KIF6: variants seen among roughly 807,000 people sequenced by gnomAD.
KIF6 encodes kinesin-like protein KIF6.
In KIF6, 106 loss-of-function variants were observed where a neutral mutation model predicts 112.7. The ratio of observed to expected loss-of-function variants is 0.94; its 90% CI spans 0.80 to 1.11. The LOEUF is 1.11. KIF6 is among the 50% of genes least tolerant of loss of function. The probability of loss-of-function intolerance (pLI) is 0.00; values close to 1 mark genes in which losing one functional copy is unlikely to be tolerated. For missense variants in KIF6, 929 were observed against 964.0 expected, an observed-to-expected ratio of 0.96 and a Z score of 0.48; for synonymous variants, 339 against 339.9, an observed-to-expected ratio of 1.00 and a Z score of 0.03.
chr6:39,395,480 G>C (rs1265104942), intron 15 of KIF6, among the ~76,000 whole-genome samples: 1 of 152,236 alleles, frequency 6.6e-6, no homozygotes, highest in Non-Finnish European at 1.5e-5. Flanking sequence ...TGTTACTTTA[G>C]ATGCTTGAAA....
At chr6:39,622,179 A>AG (rs1390416925) in intron 5 of KIF6, among the ~76,000 whole-genome samples, 2 of 151,908 alleles carry the variant, frequency 1.3e-5, no homozygotes, top group African/African-American at 4.8e-5. Context: ...AAAAAAAAAA[A>AG]AGAAACAAAG....
chr6:39,608,016 G>T (rs993809249), intron 6 of KIF6, among the ~76,000 whole-genome samples: 1 of 152,056 alleles, frequency 6.6e-6, no homozygotes, highest in Admixed American at 6.5e-5. Flanking sequence ...CTTCCTTCCT[G>T]CCCTATCCTT....
At chr6:39,724,464 A>G (rs1006111903) in intron 1 of KIF6, among the ~76,000 whole-genome samples, 1 of 148,928 alleles carries the variant, frequency 6.7e-6, no homozygotes, top group Non-Finnish European at 1.5e-5. Context: ...AAAAAAAAAA[A>G]AAAAAAAAAA....
intron 3 of KIF6, among the ~76,000 whole-genome samples, chr6:39,675,368 T>C (rs1787068358): frequency 6.6e-6 from 1 of 152,222 alleles, no homozygotes. Flanking sequence ...TTTGTAAACA[T>C]TGACTCTATC....
intron 13 of KIF6, among the ~76,000 whole-genome samples, chr6:39,486,012 C>G (rs1775088693): frequency 6.6e-6 from 1 of 152,174 alleles, no homozygotes; most frequent in South Asian, 2.1e-4. Flanking sequence ...CGAATTCAGA[C>G]AGTCAGCCTC....
At chr6:39,486,130 C>G (rs1333458723) in intron 13 of KIF6, among the ~76,000 whole-genome samples, 2 of 152,244 alleles carry the variant, frequency 1.3e-5, no homozygotes, top group African/African-American at 2.4e-5. Flanking sequence ...TCCCCTACCT[C>G]TGAATCCAAG....
At chr6:39,474,118 T>C (rs534895753) in intron 13 of KIF6, among the ~76,000 whole-genome samples, 1 of 152,290 alleles carries the variant, frequency 6.6e-6, no homozygotes, top group South Asian at 2.1e-4. Flanking sequence ...GGGGAGAGGA[T>C]CTCTGACAGG....
intron 3 of KIF6, among the ~76,000 whole-genome samples, chr6:39,644,989 T>A (rs1036857963): frequency 3.3e-5 from 5 of 152,082 alleles, no homozygotes; most frequent in Non-Finnish European, 7.4e-5. Flanking sequence ...CAATGAAGAG[T>A]GAGATAAACA....
At chr6:39,667,248 C>T (rs981600221) in intron 3 of KIF6, among the ~76,000 whole-genome samples, 1 of 150,818 alleles carries the variant, frequency 6.6e-6, no homozygotes, top group Non-Finnish European at 1.5e-5. Context: ...CCTGGGATGC[C>T]CATAGCTGGC....
chr6:39,655,221 C>T (rs1019149706), intron 3 of KIF6, among the ~76,000 whole-genome samples: 11 of 152,098 alleles, frequency 7.2e-5, no homozygotes, highest in South Asian at 4.1e-4. Context: ...TTTATATTCA[C>T]GTTAAGCATA....
intron 13 of KIF6, among the ~76,000 whole-genome samples, chr6:39,535,567 T>C (rs1489518568): frequency 6.6e-6 from 1 of 152,134 alleles, no homozygotes; most frequent in African/African-American, 2.4e-5. Context: ...ATAAAGCAAG[T>C]CCTGAGTGAC....
chr6:39,700,817 A>G (rs2113835348), intron 3 of KIF6, among the ~76,000 whole-genome samples: 1 of 151,714 alleles, frequency 6.6e-6, no homozygotes, highest in Non-Finnish European at 1.5e-5. Flanking sequence ...AGTTCAAGCC[A>G]TTCTCATACC....
At chr6:39,716,089 T>C (rs1042158800) in intron 2 of KIF6, among the ~76,000 whole-genome samples, 2 of 152,186 alleles carry the variant, frequency 1.3e-5, no homozygotes, top group African/African-American at 2.4e-5. Flanking sequence ...AAAGAGTAAT[T>C]ATATCTACTA....
In KIF6 at chr6:39,571,754, A is replaced by G. The variant is rs550821431; in HGVS notation, c.1181+6302T>C. On this transcript the variant is annotated intron_variant, in intron 10 of 22. Transcript: ENST00000287152. ...TTCATCTGTCTAGTCCTATTCTTCA[A>G]TTCCTCCATGAGAACTTCAGGCTCC... Among the ~76,000 whole-genome samples the G allele has an allele frequency of 5.9e-5, 9 of 152,316 alleles. No individual in the cohort carries two copies. In the East Asian group the frequency reaches 1.2e-3, roughly 20 times the overall value.
In KIF6 at chr6:39,586,417, A is replaced by G; in HGVS notation, c.847-13T>C. The G allele has an allele frequency of 1.9e-6, 3 of 1,612,362 alleles. No individual in the cohort carries two copies. Among genetic ancestry groups the G allele is most frequent in the Non-Finnish European group, 2.5e-6 (3 of 1,178,690 alleles). ...GGGCAATGATAACCTGTGGTAAAGT[A>G]GAAAGATAATGGGATTAATTTAGCA... On this transcript the variant is annotated splice_polypyrimidine_tract_variant and intron_variant, in intron 7 of 22. Transcript: ENST00000287152.
In KIF6 at chr6:39,386,747, G is replaced by A. The variant is rs566903009; in HGVS notation, c.1811-1075C>T. Among the ~76,000 whole-genome samples the A allele has an allele frequency of 5.3e-4, 80 of 152,144 alleles. 1 individual carries two copies. The highest frequency in any genetic ancestry group is 1.7e-3 in the African/African-American group (69 of 41,506). On this transcript the variant is annotated intron_variant, in intron 15 of 22. Coordinates refer to ENST00000287152, the MANE Select transcript of KIF6 (RefSeq NM_145027.6). Reference sequence around the variant, plus strand: ...TCCGTCTCTAAAATTCCATGATTTCGTGCATGAAGGAGGGGTGAAACAGCA... The same window carrying A: ...TCCGTCTCTAAAATTCCATGATTTCATGCATGAAGGAGGGGTGAAACAGCA...
chr6:39,574,642 C>A (rs895073632), intron 10 of KIF6, among the ~76,000 whole-genome samples: 3 of 152,026 alleles, frequency 2.0e-5, no homozygotes, highest in Admixed American at 2.0e-4. Flanking sequence ...GACTATATGG[C>A]TTAGCACTTG....
intron 13 of KIF6, among the ~76,000 whole-genome samples, chr6:39,505,112 A>G (rs1776354880): frequency 6.6e-6 from 1 of 152,242 alleles, no homozygotes; most frequent in African/African-American, 2.4e-5. Flanking sequence ...CTACAAGGCT[A>G]CAGTAACCAA....
At chr6:39,418,631 G>C (rs1173350672) in intron 15 of KIF6, among the ~76,000 whole-genome samples, 1 of 152,004 alleles carries the variant, frequency 6.6e-6, no homozygotes. Context: ...AAATACAGGG[G>C]CATTTCTCTC....
Sources: gnomAD v4.1 joint callset for allele counts (sites outside exome capture counted in the v4.1 genomes callset) on GRCh38, gnomAD v4.1.1 for gene constraint, MANE v1.5 for transcripts, NCBI Gene and HGNC (gene_info 2026-07-23, HGNC 2026-07-21) for gene names.